Variants in DDX52 observed in about 807,000 individuals in gnomAD.
DDX52 encodes probable ATP-dependent RNA helicase DDX52.
Under a neutral mutation model 76.1 loss-of-function variants are expected in DDX52, and 59 were observed. That is an observed-to-expected ratio of 0.78 (90% confidence interval 0.63 to 0.96). DDX52 has a LOEUF of 0.96. Among genes scored for constraint, DDX52 ranks in the 40% least tolerant of loss-of-function variants. The pLI, the probability that DDX52 is intolerant of heterozygous loss-of-function variation, is 0.00. For missense variants in DDX52, 707 were observed against 703.9 expected (o/e 1.00, Z -0.05); for synonymous variants, 231 against 244.1 (o/e 0.95, Z 0.50).
Position 37,625,950 on chromosome 17 carries a change from C to G in DDX52, c.1081G>C (p.Glu361Gln). Residue 361 changes from glutamate to glutamine, a missense_variant, in exon 8 of 15, where the codon GAA (glutamate) becomes CAA (glutamine). Transcript: ENST00000617633. ...TCCAGGTTGAGTTTGCACCACTGTT[C>G]AACATCATATGCAAAAGTTGCACTG... ...MFSATFAYDV[E>Q]QWCKLNLDNV... 2 of 1,614,122 alleles carry G rather than the reference C, an allele frequency of 1.2e-6. No homozygotes were observed. The highest frequency in any genetic ancestry group is 1.7e-6 in the Non-Finnish European group (2 of 1,180,010).
chr17:37,616,487 T>C (rs1312619402), intron 14 of DDX52, among the ~76,000 whole-genome samples: 1 of 152,036 alleles, frequency 6.6e-6, no homozygotes, highest in African/African-American at 2.4e-5. Flanking sequence ...ACCCCATCTC[T>C]AGTAAAAATA....
In DDX52 at chr17:37,614,356, G is replaced by A; in HGVS notation, c.1743-3C>T. The A allele has an allele frequency of 6.2e-7, 1 of 1,608,442 alleles. No individual in the cohort carries two copies. The highest frequency in any genetic ancestry group is 8.5e-7 in the Non-Finnish European group (1 of 1,178,362). ...TGTTCTGACCAGTGACCTTTTTCCT[G>A]TAAAGAGCAAAGTAAGAAAAATTGA... On this transcript the variant is annotated splice_region_variant and splice_polypyrimidine_tract_variant and intron_variant, in intron 14 of 14. Transcript: ENST00000617633.
Position 37,626,802 on chromosome 17 carries a change from TC to T in DDX52, c.917del (p.Gly306GlufsTer4). Reference protein sequence around the residue: ...LIYLLKQDPPGIDLASVEWLV... With the variant: ...LIYLLKQDPPXIDLASVEWLV... ...ATCATCTATACCTTGCTAGGTCGAT[TC>T]CGGGGGGATCTTGCTTTAATAAATA... is the stretch of plus-strand genomic sequence containing the variant. On this transcript the variant is annotated frameshift_variant, in exon 7 of 15. Coordinates refer to ENST00000617633, the MANE Select transcript of DDX52 (RefSeq NM_007010.5). LOFTEE classifies it high-confidence loss of function. 1 of 1,611,886 alleles carries T rather than the reference TC, an allele frequency of 6.2e-7. No individual in the cohort carries two copies. The highest frequency in any genetic ancestry group is 8.5e-7 in the Non-Finnish European group (1 of 1,179,268).
intron 14 of DDX52, among the ~76,000 whole-genome samples, chr17:37,615,749 G>A (rs182133489): frequency 1.3e-5 from 2 of 152,094 alleles, no homozygotes; most frequent in Admixed American, 6.6e-5. Flanking sequence ...TAGACTGGGC[G>A]CGGTGGGTCA....
In DDX52 at chr17:37,621,579, T is replaced by C; in HGVS notation, c.1228-59A>G. On this transcript the variant is annotated intron_variant, in intron 9 of 14. Transcript: ENST00000617633. ...AATCAAGAATACAATTGGTCATTAT[T>C]TCATAATTTGATTGTAGCTTTTAAG... The C allele has an allele frequency of 2.6e-6, 4 of 1,540,004 alleles. No homozygotes were observed. In the Admixed American group the frequency reaches 6.5e-5, roughly 25 times the overall value.
intron 14 of DDX52, 98 bp from the exon 15 acceptor site, chr17:37,614,451 A>C: frequency 8.6e-7 from 1 of 1,163,976 alleles, no homozygotes; most frequent in Non-Finnish European, 1.2e-6. Flanking sequence ...ACTGAAACCT[A>C]CTGTGTATCA....
At chr17:37,628,524 A>G (rs1162441357) in intron 6 of DDX52, 37 bp downstream of exon 6, 1 of 1,475,766 alleles carries the variant, frequency 6.8e-7, no homozygotes, top group Non-Finnish European at 9.4e-7. Flanking sequence ...CAGATTCCTT[A>G]CATGCTCTAT....
chr17:37,629,799 A>G (rs936328532), intron 5 of DDX52, among the ~76,000 whole-genome samples: 2 of 152,234 alleles, frequency 1.3e-5, no homozygotes, highest in African/African-American at 2.4e-5. Context: ...ACCTTAAAGC[A>G]TTTACCAAAG....
At chr17:37,625,797 C>G in intron 8 of DDX52, 98 bp downstream of exon 8, 1 of 1,309,648 alleles carries the variant, frequency 7.6e-7, no homozygotes, top group African/African-American at 1.5e-5. Context: ...CTCTCCCTTG[C>G]TAGTCTCAGG....
Position 37,620,915 on chromosome 17 carries a change from G to C in DDX52, c.1535C>G (p.Ala512Gly). The C allele has an allele frequency of 6.3e-7, 1 of 1,594,202 alleles. No individual in the cohort carries two copies. ...ATCATCCTCAGTGAAAAATGTAATTGCTTTTCCCTTATTCCCTGCTCTTCC... is the reference window on the plus strand; with the variant it reads ...ATCATCCTCAGTGAAAAATGTAATTCCTTTTCCCTTATTCCCTGCTCTTCC... ...RTGRAGNKGK[A>G]ITFFTEDDKP... The change falls in exon 12 of 15, where the codon GCA becomes GGA. Residue 512 changes from alanine (A) to glycine (G), a missense_variant. Transcript: ENST00000617633.
chr17:37,617,563 CTAAG>C (rs1394114647), intron 14 of DDX52, among the ~76,000 whole-genome samples: 3 of 152,166 alleles, frequency 2.0e-5, no homozygotes, highest in African/African-American at 4.8e-5. Flanking sequence ...ACAAATTTAC[CTAAG>C]TAATACTTCT....
At chr17:37,641,325 C>G (rs1020709562) in intron 2 of DDX52, among the ~76,000 whole-genome samples, 2 of 151,574 alleles carry the variant, frequency 1.3e-5, no homozygotes, top group Non-Finnish European at 2.9e-5. Context: ...TGACGTGAAC[C>G]CAGGAGGCGG....
chr17:37,641,783 A>G (rs1248301515), intron 2 of DDX52, among the ~76,000 whole-genome samples: 1 of 152,104 alleles, frequency 6.6e-6, no homozygotes, highest in East Asian at 1.9e-4. Flanking sequence ...ATTAACACCA[A>G]TAATATTCAG....
Position 37,633,293 on chromosome 17 carries a change from C to A in DDX52, c.412G>T (p.Glu138Ter). ...CCCCAAAATATTTTTCTAACCTTTT[C>A]TTTTCTGAGATTCTCCAACTTTCCG... ...TSGKLENLRKEKINFLRNKHK... is the reference protein window; with the variant it reads ...TSGKLENLRK The change falls in exon 3 of 15, where the codon GAA becomes TAA. Residue 138 changes from glutamate to a stop codon, truncating the protein, a stop_gained. Coordinates refer to ENST00000617633, the MANE Select transcript of DDX52 (RefSeq NM_007010.5). LOFTEE classifies it high-confidence loss of function. 6.2e-7 allele frequency: 1 copy of A among 1,600,704 alleles called. No individual in the cohort carries two copies.
At chr17:37,635,167 C>A (rs73293890) in intron 2 of DDX52, among the ~76,000 whole-genome samples, 8,325 of 152,162 alleles carry the variant, frequency 0.055, 800 homozygotes, top group African/African-American at 0.19. Flanking sequence ...GTTCTAATTT[C>A]TAAATTAGTT....
intron 4 of DDX52, 32 bp from the exon 5 acceptor site, chr17:37,630,205 A>G (rs772148129): frequency 1.4e-5 from 21 of 1,535,590 alleles, no homozygotes; most frequent in Non-Finnish European, 1.6e-5. Context: ...AATACTACAA[A>G]GAAAGTACAT....
chr17:37,641,444 T>C (rs528356803), intron 2 of DDX52, among the ~76,000 whole-genome samples: 1 of 150,532 alleles, frequency 6.6e-6, no homozygotes, highest in East Asian at 2.0e-4. Flanking sequence ...CAGTAAAATA[T>C]AAAATTGTTT....
rs377597407 is a variant in DDX52, at chr17:37,619,799, C to T, written c.1618G>A (p.Glu540Lys). Residue 540 changes from glutamate (E) to lysine (K), a missense_variant, in exon 13 of 15, where the codon GAA becomes AAA. Transcript: ENST00000617633. The part of the protein sequence containing the change: ...VIQQAGCPVP[E>K]YIKGFQKLLS... ...AGTTTCTGAAAACCTTTTATGTATTCTGGTACAGGACACCCAGCCTGCTGT... is the reference window on the plus strand; with the variant it reads ...AGTTTCTGAAAACCTTTTATGTATTTTGGTACAGGACACCCAGCCTGCTGT... 2 of 1,613,668 alleles carry T rather than the reference C, an allele frequency of 1.2e-6. No individual in the cohort carries two copies. Among genetic ancestry groups the T allele is most frequent in the African/African-American group, 2.7e-5 (2 of 74,846 alleles).
At chr17:37,641,994 T>C in intron 2 of DDX52, 116 bp downstream of exon 2, 1 of 1,270,928 alleles carries the variant, frequency 7.9e-7, no homozygotes, top group Non-Finnish European at 1.1e-6. Flanking sequence ...GGAAACAACC[T>C]GAGTGCCATC....
Sources: allele counts gnomAD v4.1 joint callset (sites outside exome capture counted in the v4.1 genomes callset), GRCh38; gene constraint gnomAD v4.1.1; transcripts MANE v1.5; gene names NCBI Gene and HGNC (gene_info 2026-07-23, HGNC 2026-07-21).